HDAC9: variants seen among roughly 807,000 people sequenced by gnomAD.
The protein encoded by HDAC9 is MEF-2 interacting transcription repressor (MITR) protein.
Under a neutral mutation model 139.4 loss-of-function variants are expected in HDAC9, and 41 were observed. The observed-to-expected ratio is 0.29, with a 90% CI of 0.23 to 0.38. The LOEUF is 0.38. Among genes scored for constraint, HDAC9 ranks in the 10% least tolerant of loss-of-function variants. The pLI is 1.00. For missense variants in HDAC9, 1,147 were observed against 1,297.0 expected (o/e 0.88, Z 1.78); for synonymous variants, 517 against 476.2 (o/e 1.09, Z -1.12).
At chr7:18,432,054 C>G (rs1309311470) in intron 1 of HDAC9, among the ~76,000 whole-genome samples, 1 of 152,216 alleles carries the variant, frequency 6.6e-6, no homozygotes, top group African/African-American at 2.4e-5. Flanking sequence ...GCCTTTGTGC[C>G]TTAGCCCAGC....
chr7:18,362,908 T>C (rs1020298154), intron 1 of HDAC9, among the ~76,000 whole-genome samples: 1 of 152,182 alleles, frequency 6.6e-6, no homozygotes, highest in Non-Finnish European at 1.5e-5. Flanking sequence ...TAAAAATCTA[T>C]GCCTGACTGA....
chr7:18,519,371 C>T (rs1804258605), intron 2 of HDAC9, among the ~76,000 whole-genome samples: 1 of 151,994 alleles, frequency 6.6e-6, no homozygotes, highest in Non-Finnish European at 1.5e-5. Context: ...ATATTAAATG[C>T]TCAAGAGGTT....
chr7:18,366,711 C>T (rs1022384046), intron 1 of HDAC9, among the ~76,000 whole-genome samples: 2 of 152,100 alleles, frequency 1.3e-5, no homozygotes, highest in African/African-American at 4.8e-5. Flanking sequence ...AGGCAGTTCT[C>T]CATCTTTGTA....
At chr7:18,725,746 A>G (rs890130513) in intron 12 of HDAC9, among the ~76,000 whole-genome samples, 2 of 152,200 alleles carry the variant, frequency 1.3e-5, no homozygotes, top group Non-Finnish European at 2.9e-5. Flanking sequence ...TCATAATTAT[A>G]TATTTGTGTT....
intron 17 of HDAC9, among the ~76,000 whole-genome samples, chr7:18,825,300 G>A (rs923524354): frequency 1.3e-5 from 2 of 152,142 alleles, no homozygotes; most frequent in African/African-American, 4.8e-5. Flanking sequence ...AGTAATTTCA[G>A]TATTTAAAAA....
chr7:18,290,183 AT>A, upstream of HDAC9: 1 of 245,162 alleles, frequency 4.1e-6, no homozygotes. Context: ...TCTGTAGTCT[AT>A]TAGGCTTCTT....
chr7:18,277,888 A>G (rs1796849304), intron 2 of HDAC9, among the ~76,000 whole-genome samples: 1 of 152,196 alleles, frequency 6.6e-6, no homozygotes, highest in African/African-American at 2.4e-5. Flanking sequence ...TGCTTGGTTA[A>G]TTTAACTATC....
At chr7:18,558,598 A>C (rs1819605518) in intron 2 of HDAC9, among the ~76,000 whole-genome samples, 1 of 152,174 alleles carries the variant, frequency 6.6e-6, no homozygotes, top group African/African-American at 2.4e-5. Context: ...ATTTGTATTG[A>C]ATATATGGGT....
At chr7:18,586,936 A>G (rs539417499) in intron 3 of HDAC9, among the ~76,000 whole-genome samples, 1 of 152,272 alleles carries the variant, frequency 6.6e-6, no homozygotes, top group African/African-American at 2.4e-5. Flanking sequence ...TAATAGAAAC[A>G]TTGATATCTA....
At chr7:18,618,183 A>G (rs1185892455) in intron 6 of HDAC9, among the ~76,000 whole-genome samples, 2 of 152,168 alleles carry the variant, frequency 1.3e-5, no homozygotes, top group East Asian at 3.9e-4. Context: ...GTGATTTACT[A>G]TACTTATTGT....
intron 2 of HDAC9, among the ~76,000 whole-genome samples, chr7:18,178,063 C>T (rs577596988): frequency 2.6e-5 from 4 of 151,588 alleles, no homozygotes; most frequent in East Asian, 3.9e-4. Flanking sequence ...CCTTCCCTCC[C>T]GTTCCCTCCT....
intron 17 of HDAC9, among the ~76,000 whole-genome samples, chr7:18,797,553 C>T (rs1025856478): frequency 1.3e-5 from 2 of 152,052 alleles, no homozygotes; most frequent in Non-Finnish European, 2.9e-5. Flanking sequence ...TATGGCCCTG[C>T]GCAGTGGTTC....
At chr7:18,178,388 CT>C (rs1255198513) in intron 2 of HDAC9, among the ~76,000 whole-genome samples, 3 of 152,192 alleles carry the variant, frequency 2.0e-5, no homozygotes, top group Non-Finnish European at 2.9e-5. Context: ...CCCGGCCCCC[CT>C]CTTTCTAAGG....
intron 2 of HDAC9, among the ~76,000 whole-genome samples, chr7:18,199,423 T>C (rs999629519): frequency 1.3e-5 from 2 of 152,142 alleles, no homozygotes; most frequent in Admixed American, 6.6e-5. Flanking sequence ...TCCATTTGTA[T>C]AATGTAATAT....
chr7:18,673,544 T>C (rs1380608816), intron 12 of HDAC9, among the ~76,000 whole-genome samples: 2 of 152,088 alleles, frequency 1.3e-5, no homozygotes, highest in African/African-American at 4.8e-5. Flanking sequence ...AAATATATAT[T>C]AAGTCATATA....
chr7:18,180,710 T>C (rs908602332), intron 2 of HDAC9, among the ~76,000 whole-genome samples: 1 of 152,212 alleles, frequency 6.6e-6, no homozygotes, highest in African/African-American at 2.4e-5. Context: ...TTTTCTATCT[T>C]GTATTAGTTT....
chr7:18,950,644 C>T (rs1782728040), intron 23 of HDAC9, among the ~76,000 whole-genome samples: 1 of 151,922 alleles, frequency 6.6e-6, no homozygotes, highest in Admixed American at 6.6e-5. Context: ...CTTTCTACTA[C>T]ATAATGTATT....
In HDAC9 at chr7:18,829,523, T is replaced by C. The variant is rs763905123; in HGVS notation, c.2441T>C (p.Ile814Thr). ...AAATACTTGAGAGACCAACTAAATA[T>C]AAGCAAGATATTGATTGTAGATCTG... ...TAKYLRDQLN[I>T]SKILIVDLDV... The change falls in exon 19 of 26, where the codon ATA becomes ACA. Residue 814 changes from isoleucine to threonine, a missense_variant. By Grantham distance (89) the Ile-to-Thr change is moderately conservative. Coordinates refer to ENST00000686413, the MANE Select transcript of HDAC9 (RefSeq NM_178425.4). The C allele has an allele frequency of 1.2e-6, 2 of 1,608,246 alleles. No homozygotes were observed. Among genetic ancestry groups the C allele is most frequent in the South Asian group, 2.2e-5 (2 of 90,804 alleles).
intron 22 of HDAC9, among the ~76,000 whole-genome samples, chr7:18,923,324 AC>A (rs1563058732): frequency 6.6e-6 from 1 of 151,926 alleles, no homozygotes; most frequent in African/African-American, 2.4e-5. Flanking sequence ...TTCCAGCTTG[AC>A]TCCCAGTCTA....
Sources: allele counts gnomAD v4.1 joint callset (sites outside exome capture counted in the v4.1 genomes callset), GRCh38; gene constraint gnomAD v4.1.1; transcripts MANE v1.5; gene names NCBI Gene and HGNC (gene_info 2026-07-23, HGNC 2026-07-21).